Variants in TNNI3K observed in about 807,000 individuals in gnomAD.
TNNI3K encodes the protein TNNI3 interacting kinase, also known as serine/threonine-protein kinase TNNI3K.
In TNNI3K, 140 loss-of-function variants were observed where a neutral mutation model predicts 114.5. The ratio of observed to expected loss-of-function variants is 1.22; its 90% CI spans 1.07 to 1.41. The LOEUF (loss-of-function observed/expected upper bound fraction) is 1.41. Among genes scored for constraint, TNNI3K ranks in the 40% most tolerant of loss-of-function variants. The probability of loss-of-function intolerance (pLI) is 0.00; values close to 1 mark genes in which losing one functional copy is unlikely to be tolerated. For synonymous variants in TNNI3K, 347 were observed against 347.5 expected, an observed-to-expected ratio of 1.00 and a Z score of 0.02; for missense variants, 1,125 against 1,007.6, an observed-to-expected ratio of 1.12 and a Z score of -1.58.
chr1:74,267,178 G>A (rs1656046003), intron 4 of TNNI3K, among the ~76,000 whole-genome samples: 1 of 151,762 alleles, frequency 6.6e-6, no homozygotes, highest in South Asian at 2.1e-4. Flanking sequence ...CTTATATATG[G>A]TAAACTGCAA....
chr1:74,534,384 A>G (rs542218794), intron 23 of TNNI3K, among the ~76,000 whole-genome samples: 23 of 152,358 alleles, frequency 1.5e-4, no homozygotes, highest in African/African-American at 5.0e-4. Context: ...CAATTCAGTC[A>G]GAAGCAATTG....
intron 4 of TNNI3K, among the ~76,000 whole-genome samples, chr1:74,257,661 CTCTTTTTTTTT>C (rs1482290547): frequency 1.3e-5 from 1 of 78,590 alleles, no homozygotes; most frequent in Non-Finnish European, 3.1e-5. Context: ...CTTGGCTTAC[CTCTTTTTTTTT>C]TTTTTTTTTT....
chr1:74,328,589 G>A (rs1260829083), intron 5 of TNNI3K, among the ~76,000 whole-genome samples: 5 of 152,030 alleles, frequency 3.3e-5, no homozygotes, highest in Non-Finnish European at 7.4e-5. Context: ...ACTAAGTAAA[G>A]CCTACAATTC....
chr1:74,481,400 A>G (rs1193178812), intron 21 of TNNI3K, among the ~76,000 whole-genome samples: 1 of 152,172 alleles, frequency 6.6e-6, no homozygotes, highest in Non-Finnish European at 1.5e-5. Context: ...GTTCCATAGC[A>G]ATGTGTATTT....
chr1:74,322,151 T>C (rs888861258), intron 5 of TNNI3K, among the ~76,000 whole-genome samples: 1 of 152,206 alleles, frequency 6.6e-6, no homozygotes, highest in African/African-American at 2.4e-5. Flanking sequence ...TTTCAGTTCA[T>C]TTGTTTGAAA....
chr1:74,418,646 A>C (rs1327942705), intron 17 of TNNI3K, among the ~76,000 whole-genome samples: 1 of 152,068 alleles, frequency 6.6e-6, no homozygotes, highest in Non-Finnish European at 1.5e-5. Context: ...TTTACAGCTC[A>C]ACCTAATCTT....
At chr1:74,417,612 C>T (rs1472613644) in intron 17 of TNNI3K, among the ~76,000 whole-genome samples, 1 of 151,816 alleles carries the variant, frequency 6.6e-6, no homozygotes, top group East Asian at 1.9e-4. Flanking sequence ...GCATCTAATT[C>T]ACAGAGGGTC....
chr1:74,413,253 G>T (rs373915289), intron 17 of TNNI3K, among the ~76,000 whole-genome samples: 147 of 152,244 alleles, frequency 9.7e-4, no homozygotes, highest in East Asian at 6.9e-3. Context: ...ATACACTCAG[G>T]CTTGTCTGAA....
At chr1:74,485,452 T>C (rs1270611493) in intron 21 of TNNI3K, among the ~76,000 whole-genome samples, 1 of 152,174 alleles carries the variant, frequency 6.6e-6, no homozygotes, top group African/African-American at 2.4e-5. Flanking sequence ...CAGGGCTTTT[T>C]CCAGGATCTC....
At chr1:74,484,239 A>G (rs1668643551) in intron 21 of TNNI3K, among the ~76,000 whole-genome samples, 1 of 151,084 alleles carries the variant, frequency 6.6e-6, no homozygotes, top group Non-Finnish European at 1.5e-5. Context: ...GGAGCAAATT[A>G]TAATAAAACC....
chr1:74,313,713 C>T (rs1280291127), intron 5 of TNNI3K, among the ~76,000 whole-genome samples: 1 of 152,152 alleles, frequency 6.6e-6, no homozygotes, highest in Non-Finnish European at 1.5e-5. Context: ...TTTGGATCCT[C>T]TGCTGTCTCA....
rs189994239 is a variant in TNNI3K, at chr1:74,280,337, G to A, written c.444+8629G>A. On this transcript the variant is annotated intron_variant, in intron 5 of 24. Coordinates refer to ENST00000326637, the MANE Select transcript of TNNI3K (RefSeq NM_015978.3). ...GCGGAGCTTGCAGTGAGCAGAGATC[G>A]TGCCACTGCACTCCAGTCTAGGTGA... Among the ~76,000 whole-genome samples the A allele has an allele frequency of 2.3e-3, 350 of 151,848 alleles. 1 individual carries two copies. Among genetic ancestry groups the A allele is most frequent in the African/African-American group, 7.8e-3 (324 of 41,406 alleles).
chr1:74,281,746 T>A (rs1289592577), intron 5 of TNNI3K, among the ~76,000 whole-genome samples: 2 of 152,134 alleles, frequency 1.3e-5, no homozygotes, highest in African/African-American at 2.4e-5. Context: ...TAAAACATAT[T>A]AAAAATCAAG....
intron 21 of TNNI3K, among the ~76,000 whole-genome samples, chr1:74,467,353 T>A (rs1667724323): frequency 6.6e-6 from 1 of 152,160 alleles, no homozygotes; most frequent in Admixed American, 6.5e-5. Flanking sequence ...TTCTTGCATA[T>A]CTGTCTTTAC....
chr1:74,261,642 C>A (rs934687631), intron 4 of TNNI3K, among the ~76,000 whole-genome samples: 3 of 152,082 alleles, frequency 2.0e-5, no homozygotes, highest in Non-Finnish European at 4.4e-5. Flanking sequence ...ATTGAGAAAG[C>A]TAATGAACAA....
chr1:74,456,602 G>C (rs1482979148), intron 20 of TNNI3K, among the ~76,000 whole-genome samples: 1 of 152,122 alleles, frequency 6.6e-6, no homozygotes, highest in Non-Finnish European at 1.5e-5. Flanking sequence ...CAGGTACCCA[G>C]ATTTGTGGAT....
At chr1:74,451,415 A>G (rs1295255841) in intron 20 of TNNI3K, among the ~76,000 whole-genome samples, 1 of 152,108 alleles carries the variant, frequency 6.6e-6, no homozygotes, top group Non-Finnish European at 1.5e-5. Context: ...AATAAAATGA[A>G]TCAATGTCCA....
At chr1:74,364,434 T>G (rs962893676) in intron 11 of TNNI3K, among the ~76,000 whole-genome samples, 1 of 151,700 alleles carries the variant, frequency 6.6e-6, no homozygotes, top group African/African-American at 2.4e-5. Context: ...CACACTGAAA[T>G]ATTCATGAAA....
At chr1:74,255,130 G>A (rs574141941) in intron 4 of TNNI3K, among the ~76,000 whole-genome samples, 13 of 151,998 alleles carry the variant, frequency 8.6e-5, no homozygotes, top group South Asian at 2.1e-4. Flanking sequence ...CGAGGCGGGC[G>A]GATCACGAGG....
Sources: allele counts gnomAD v4.1 joint callset (sites outside exome capture counted in the v4.1 genomes callset), GRCh38; gene constraint gnomAD v4.1.1; transcripts MANE v1.5; gene names NCBI Gene and HGNC (gene_info 2026-07-23, HGNC 2026-07-21).